The following GALNT13 variants were observed in gnomAD, a reference collection of about 807,000 sequenced individuals.
GALNT13 encodes UDP-GalNAc:polypeptide N-acetylgalactosaminyltransferase 13.
Under a neutral mutation model 64.2 loss-of-function variants are expected in GALNT13, and 28 were observed. The observed-to-expected ratio is 0.44, with a 90% CI of 0.32 to 0.60. The LOEUF (loss-of-function observed/expected upper bound fraction) is 0.60, where lower values mean the gene tolerates loss of function less well. Among genes scored for constraint, GALNT13 ranks in the 20% least tolerant of loss-of-function variants. The probability of loss-of-function intolerance (pLI) is 0.05; values close to 1 mark genes in which losing one functional copy is unlikely to be tolerated. For missense variants in GALNT13, 577 were observed against 669.8 expected, an observed-to-expected ratio of 0.86 and a Z score of 1.53; for synonymous variants, 214 against 224.6, an observed-to-expected ratio of 0.95 and a Z score of 0.42.
chr2:154,120,936 T>A (rs970913034), intron 3 of GALNT13, among the ~76,000 whole-genome samples: 1 of 152,144 alleles, frequency 6.6e-6, no homozygotes, highest in Non-Finnish European at 1.5e-5. Flanking sequence ...TTCTTGCCAT[T>A]CTGTTTTCCC....
chr2:153,700,247 A>C, the GALNT13 span, among the ~76,000 whole-genome samples: 1 of 152,224 alleles, frequency 6.6e-6, no homozygotes, highest in East Asian at 1.9e-4. Flanking sequence ...CAAAAACCGC[A>C]TGATTATCTC....
At chr2:154,136,071 A>T (rs536326317) in intron 3 of GALNT13, among the ~76,000 whole-genome samples, 2 of 152,308 alleles carry the variant, frequency 1.3e-5, no homozygotes, top group South Asian at 4.1e-4. Context: ...GCAGAGTATG[A>T]ATATTCAAAT....
chr2:153,418,490 G>A, the GALNT13 span, among the ~76,000 whole-genome samples: 1 of 152,340 alleles, frequency 6.6e-6, no homozygotes, highest in East Asian at 1.9e-4. Flanking sequence ...AGAGTGTCAT[G>A]TCACAGGGGC....
intron 9 of GALNT13, among the ~76,000 whole-genome samples, chr2:154,314,810 A>G (rs1449832989): frequency 6.6e-6 from 1 of 152,198 alleles, no homozygotes; most frequent in Non-Finnish European, 1.5e-5. Context: ...CCCTACTTCC[A>G]ACATTGGGGA....
At chr2:154,144,602 T>C (rs1683456067) in intron 4 of GALNT13, among the ~76,000 whole-genome samples, 1 of 152,180 alleles carries the variant, frequency 6.6e-6, no homozygotes, top group African/African-American at 2.4e-5. Context: ...CATATTTTAC[T>C]GCGTTATACC....
chr2:153,663,416 C>T, the GALNT13 span, among the ~76,000 whole-genome samples: 2 of 151,524 alleles, frequency 1.3e-5, 1 homozygote, highest in East Asian at 3.9e-4. Flanking sequence ...TTGTAATGGT[C>T]GATAATAAAT....
At chr2:154,350,753 T>C (rs985209865) in intron 9 of GALNT13, among the ~76,000 whole-genome samples, 2 of 152,160 alleles carry the variant, frequency 1.3e-5, no homozygotes, top group African/African-American at 4.8e-5. Flanking sequence ...GAAGGTACAG[T>C]AGCCCTCATA....
the GALNT13 span, among the ~76,000 whole-genome samples, chr2:153,392,968 A>G: frequency 6.6e-6 from 1 of 152,056 alleles, no homozygotes; most frequent in African/African-American, 2.4e-5. Context: ...ACATCTGTAA[A>G]AAAAGAGAGT....
chr2:153,517,896 C>A, the GALNT13 span, among the ~76,000 whole-genome samples: 2 of 152,184 alleles, frequency 1.3e-5, no homozygotes, highest in East Asian at 1.9e-4. Flanking sequence ...GTGGAATAAC[C>A]AAATACACAG....
At chr2:153,149,070 A>G in the GALNT13 span, among the ~76,000 whole-genome samples, 5 of 151,992 alleles carry the variant, frequency 3.3e-5, no homozygotes, top group East Asian at 1.9e-4. Context: ...TGAAATCTTC[A>G]TTAGTCTTAG....
chr2:153,686,205 G>A, the GALNT13 span, among the ~76,000 whole-genome samples: 1 of 151,712 alleles, frequency 6.6e-6, no homozygotes, highest in Non-Finnish European at 1.5e-5. Context: ...AGTTTAATAG[G>A]CATAGCATTA....
intron 2 of GALNT13, among the ~76,000 whole-genome samples, chr2:153,942,171 C>G (rs961316429): frequency 5.9e-5 from 9 of 151,918 alleles, no homozygotes; most frequent in Admixed American, 1.3e-4. Flanking sequence ...CTTGATTAAG[C>G]CTCACAATAT....
intron 3 of GALNT13, among the ~76,000 whole-genome samples, chr2:153,980,176 C>A (rs996048187): frequency 2.0e-4 from 30 of 152,006 alleles, no homozygotes; most frequent in African/African-American, 7.2e-4. Context: ...ATAGGTGGAC[C>A]AAGGAGGCTA....
At chr2:153,742,068 A>T in the GALNT13 span, among the ~76,000 whole-genome samples, 9 of 151,186 alleles carry the variant, frequency 6.0e-5, no homozygotes, top group Middle Eastern at 3.4e-3. Flanking sequence ...AATGGATTTT[A>T]AAAAAAATTG....
the GALNT13 span, among the ~76,000 whole-genome samples, chr2:153,552,502 C>T: frequency 1.4e-5 from 2 of 144,690 alleles, no homozygotes; most frequent in Non-Finnish European, 3.0e-5. Context: ...TTAGGGTTTA[C>T]AAACATAGAT....
At chr2:154,208,815 A>T (rs1450410799) in intron 4 of GALNT13, among the ~76,000 whole-genome samples, 2 of 152,132 alleles carry the variant, frequency 1.3e-5, no homozygotes, top group African/African-American at 4.8e-5. Context: ...AAGTATATAT[A>T]TTTTAATCCT....
In GALNT13 at chr2:154,450,497, T is replaced by C; in HGVS notation, c.1617T>C (p.Cys539=). ...AAATGGTGCCTACAATGCAGGACTG[T>C]AGTGGAAGCAGATCCCAACAGTGGC... ...EDKMVPTMQD[C]SGSRSQQWLL... The change falls in exon 13 of 13, where the codon TGT becomes TGC. Residue 539 remains cysteine (C), a synonymous_variant. Coordinates refer to ENST00000392825, the MANE Select transcript of GALNT13 (RefSeq NM_052917.4). 1 of 1,612,328 alleles carries C rather than the reference T, an allele frequency of 6.2e-7. No homozygotes were observed.
the GALNT13 span, among the ~76,000 whole-genome samples, chr2:153,225,760 C>A: frequency 1.3e-5 from 2 of 151,892 alleles, no homozygotes; most frequent in East Asian, 3.9e-4. Context: ...GGGTATAAAT[C>A]AAACAAAATA....
intron 7 of GALNT13, among the ~76,000 whole-genome samples, chr2:154,251,429 A>T (rs1006021961): frequency 6.6e-6 from 1 of 152,188 alleles, no homozygotes; most frequent in Non-Finnish European, 1.5e-5. Context: ...AAGTTTAAGT[A>T]TTTGATTCTC....
Sources: gnomAD v4.1 joint callset for allele counts (sites outside exome capture counted in the v4.1 genomes callset) on GRCh38, gnomAD v4.1.1 for gene constraint, MANE v1.5 for transcripts, NCBI Gene and HGNC (gene_info 2026-07-23, HGNC 2026-07-21) for gene names.